The following IL16 variants were observed in gnomAD, a reference collection of about 807,000 sequenced individuals.
IL16 encodes the protein pro-interleukin-16.
Under a neutral mutation model 110.1 loss-of-function variants are expected in IL16, and 67 were observed. The ratio of observed to expected loss-of-function variants is 0.61; its 90% CI spans 0.50 to 0.75. The LOEUF (loss-of-function observed/expected upper bound fraction) is 0.75, where lower values mean the gene tolerates loss of function less well. Among genes scored for constraint, IL16 ranks in the 30% least tolerant of loss-of-function variants. IL16 has a pLI of 0.00. For missense variants in IL16, 1,545 were observed against 1,655.0 expected (o/e 0.93, Z 1.15); for synonymous variants, 689 against 662.9 (o/e 1.04, Z -0.61).
intron 2 of IL16, among the ~76,000 whole-genome samples, chr15:81,227,865 G>T (rs1160856843): frequency 6.6e-6 from 1 of 152,122 alleles, no homozygotes; most frequent in South Asian, 2.1e-4. Flanking sequence ...GATGTAGCAT[G>T]TGAGAGAATG....
chr15:81,265,885 C>G lies in IL16; in HGVS notation c.564+84C>G, dbSNP rs148220843. On this transcript the variant is annotated intron_variant, in intron 4 of 18. Coordinates refer to ENST00000683961, the MANE Select transcript of IL16 (RefSeq NM_172217.5). ...CCAACATTAACAGTGGCTGAAGAGG[C>G]CTTCCCAGTAGTTTTTTTGTCCGCA... 10,666 of 1,327,800 alleles carry G rather than the reference C, an allele frequency of 8.0e-3. 86 individuals are homozygous for G. The highest frequency in any genetic ancestry group is 9.0e-3 in the Non-Finnish European group (8,804 of 975,062). 82.3% of individuals were successfully genotyped at this position (1,327,800 alleles called of 1,614,324 possible). A position where few individuals can be genotyped will look rare whatever the true frequency, so the allele number is the denominator to read the frequency against.
chr15:81,207,246 CA>C (rs60442931), intron 1 of IL16, among the ~76,000 whole-genome samples: 1,813 of 102,746 alleles, frequency 0.018, 21 homozygotes, highest in African/African-American at 0.038. Flanking sequence ...TCAAAAAAAA[CA>C]AAAAAAAAAA....
rs565512320 is a variant in IL16, at chr15:81,240,317, G to A, written c.312+14606G>A. 2.6e-5 allele frequency among the ~76,000 whole-genome samples: 4 copies of A among 151,816 alleles called. No individual in the cohort carries two copies. The South Asian group carries it at 8.3e-4, about 32-fold the overall frequency. On this transcript the variant is annotated intron_variant, in intron 2 of 18. Transcript: ENST00000683961. Reference sequence around the variant, plus strand: ...TAAATTAGAGACTATACTTCCATGGGCATTCTTGTACATACCTCCAGTGGC... The same window carrying A: ...TAAATTAGAGACTATACTTCCATGGACATTCTTGTACATACCTCCAGTGGC...
At chr15:81,205,791 A>G (rs1895995521) in intron 1 of IL16, among the ~76,000 whole-genome samples, 1 of 152,216 alleles carries the variant, frequency 6.6e-6, no homozygotes, top group African/African-American at 2.4e-5. Context: ...TTAAAACTTA[A>G]TCACATAAAG....
intron 1 of IL16, chr15:81,182,976 C>T (rs1379808907): frequency 1.1e-6 from 1 of 890,286 alleles, no homozygotes; most frequent in Non-Finnish European, 1.6e-6. Flanking sequence ...GACATCCTCC[C>T]AGGGGAATGG....
chr15:81,209,175 T>G (rs934859644), intron 1 of IL16, among the ~76,000 whole-genome samples: 4 of 152,166 alleles, frequency 2.6e-5, no homozygotes, highest in African/African-American at 4.8e-5. Context: ...AGGATAATGA[T>G]GGAGACAGGG....
At chr15:81,227,310 G>A (rs1283903912) in intron 2 of IL16, among the ~76,000 whole-genome samples, 2 of 152,140 alleles carry the variant, frequency 1.3e-5, no homozygotes, top group Non-Finnish European at 2.9e-5. Flanking sequence ...GACATATTAA[G>A]CAGGATAAGG....
chr15:81,284,591 A>G (rs1234744532), intron 9 of IL16, among the ~76,000 whole-genome samples: 1 of 152,220 alleles, frequency 6.6e-6, no homozygotes, highest in Non-Finnish European at 1.5e-5. Context: ...CAGTTACAGC[A>G]GTAAAAAGGA....
chr15:81,300,522 C>G (rs200184989), intron 14 of IL16, 47 bp downstream of exon 14: 1 of 1,216,738 alleles, frequency 8.2e-7, no homozygotes, highest in African/African-American at 1.5e-5. Flanking sequence ...TCATCTTTTT[C>G]TTTCTCATCT....
intron 1 of IL16, among the ~76,000 whole-genome samples, chr15:81,205,040 C>T (rs1334696789): frequency 6.6e-6 from 1 of 152,128 alleles, no homozygotes; most frequent in Non-Finnish European, 1.5e-5. Flanking sequence ...GGCGCAGTGG[C>T]TCACACTTGT....
In IL16 at chr15:81,207,261, A is replaced by C. The variant is rs12898258; in HGVS notation, c.-102+10109A>C. ...TCAAAAAAAACAAAAAAAAAAAAAA[A>C]CAAAAAAAAGAAAAGAAAAAAGAAA... is the stretch of plus-strand genomic sequence containing the variant. On this transcript the variant is annotated intron_variant, in intron 1 of 18. Coordinates refer to ENST00000683961, the MANE Select transcript of IL16 (RefSeq NM_172217.5). Among the ~76,000 whole-genome samples the C allele has an allele frequency of 6.7e-5, 10 of 149,446 alleles. No homozygotes were observed. The East Asian group carries it at 1.2e-3, about 18-fold the overall frequency.
intron 3 of IL16, 62 bp downstream of exon 3, chr15:81,259,942 A>AT: frequency 9.6e-7 from 1 of 1,042,370 alleles, no homozygotes; most frequent in South Asian, 1.3e-5. Flanking sequence ...TAGCAGGACT[A>AT]TTGGGAGGAT....
intron 10 of IL16, 111 bp downstream of exon 10, chr15:81,285,941 T>C: frequency 8.7e-7 from 1 of 1,148,156 alleles, no homozygotes; most frequent in Non-Finnish European, 1.3e-6. Context: ...TGTACCTGAA[T>C]TCCCAAGAAT....
At position 81,279,683 on chromosome 15, in the gene IL16, C is replaced by T. The variant is rs1392155357; in HGVS notation, c.990C>T (p.Asp330=). The change falls in exon 8 of 19, where the codon GAC becomes GAT. Residue 330 remains aspartate (D), a synonymous_variant. Coordinates refer to ENST00000683961, the MANE Select transcript of IL16 (RefSeq NM_172217.5). ...SLSSSTCITK[D]SSSFALESPS... Reference sequence around the variant, plus strand: ...GCTCCAGCACTTGTATCACCAAGGACAGCAGCTCCTTCGCCTTGGAAAGCC... The same window carrying T: ...GCTCCAGCACTTGTATCACCAAGGATAGCAGCTCCTTCGCCTTGGAAAGCC... 5 of 1,614,132 alleles carry T rather than the reference C, an allele frequency of 3.1e-6. No homozygotes were observed. The highest frequency in any genetic ancestry group is 4.2e-6 in the Non-Finnish European group (5 of 1,180,050).
chr15:81,203,378 A>G (rs554357056), intron 1 of IL16, among the ~76,000 whole-genome samples: 45 of 152,248 alleles, frequency 3.0e-4, no homozygotes, highest in African/African-American at 8.2e-4. Context: ...TTGGTGTTTT[A>G]GACATGAAGT....
Position 81,303,366 on chromosome 15 carries a change from T to G in IL16, c.3319-183T>G. The stretch of plus-strand genomic sequence containing the variant: ...CATACATTTTTTTTTTCTTCTAAGC[T>G]TCCCATGACTCCTGAAGGTCCATTC... On this transcript the variant is annotated intron_variant, in intron 15 of 18. Coordinates refer to ENST00000683961, the MANE Select transcript of IL16 (RefSeq NM_172217.5). This position sits in a 1 kb window ranked among gnomAD's most constrained non-coding sequence, Gnocchi z 4.1. 1.7e-6 allele frequency: 1 copy of G among 572,450 alleles called. No individual in the cohort carries two copies. Among genetic ancestry groups the G allele is most frequent in the Non-Finnish European group, 3.1e-6 (1 of 319,562 alleles). The allele number at this position is 572,450 out of a possible 1,614,324, so 35.5% of individuals were successfully genotyped here.
At chr15:81,241,098 A>G (rs1897322654) in intron 2 of IL16, among the ~76,000 whole-genome samples, 1 of 152,096 alleles carries the variant, frequency 6.6e-6, no homozygotes, top group Admixed American at 6.6e-5. Flanking sequence ...GTCAGAATTC[A>G]GGTTTCCTCT....
rs1435913628 is a variant in IL16, at chr15:81,196,905, A to C, written c.-349A>C. On this transcript the variant is annotated 5_prime_UTR_variant, in exon 1 of 19. Transcript: ENST00000683961. Reference sequence around the variant, plus strand: ...CATTTGTCCTGAGTCACCTGTCCAGAGCAGGTGGTGAATATTGTGTCCTAC... The same window carrying C: ...CATTTGTCCTGAGTCACCTGTCCAGCGCAGGTGGTGAATATTGTGTCCTAC... The C allele has an allele frequency of 3.3e-6, 4 of 1,209,486 alleles. No individual in the cohort carries two copies. Among genetic ancestry groups the C allele is most frequent in the African/African-American group, 1.6e-5 (1 of 62,938 alleles). The allele number at this position is 1,209,486 out of a possible 1,614,324, so 74.9% of individuals were successfully genotyped here. A position where few individuals can be genotyped will look rare whatever the true frequency, so the allele number is the denominator to read the frequency against.
intron 1 of IL16, among the ~76,000 whole-genome samples, chr15:81,201,926 TTGA>T (rs1392704201): frequency 1.3e-5 from 2 of 152,206 alleles, no homozygotes; most frequent in Non-Finnish European, 2.9e-5. Context: ...TCCATGTATC[TTGA>T]TGATCACTTA....
Sources: gnomAD v4.1 joint callset for allele counts (sites outside exome capture counted in the v4.1 genomes callset) on GRCh38, gnomAD v4.1.1 for gene constraint, Gnocchi (gnomAD v3.1) non-coding constraint, MANE v1.5 for transcripts, NCBI Gene and HGNC (gene_info 2026-07-23, HGNC 2026-07-21) for gene names.